PARD3: variants seen among roughly 807,000 people sequenced by gnomAD.
PARD3 encodes par-3 family cell polarity regulator, also known as partitioning defective 3 homolog.
A neutral mutation model predicts 155.4 loss-of-function variants in PARD3; 75 were observed. The observed-to-expected ratio is 0.48, with a 90% CI of 0.40 to 0.58. The LOEUF is 0.58. Among genes scored for constraint, PARD3 ranks in the 20% least tolerant of loss-of-function variants. PARD3 has a pLI of 0.00. For synonymous variants in PARD3, 576 were observed against 610.5 expected, an observed-to-expected ratio of 0.94 and a Z score of 0.83; for missense variants, 1,642 against 1,721.7, an observed-to-expected ratio of 0.95 and a Z score of 0.82.
intron 22 of PARD3, among the ~76,000 whole-genome samples, chr10:34,187,564 C>G (rs930840473): frequency 2.6e-5 from 4 of 152,168 alleles, no homozygotes; most frequent in African/African-American, 7.2e-5. Context: ...TGCTAGAAAG[C>G]CTTAGCACAA....
Position 34,324,049 on chromosome 10 carries a change from C to T in PARD3, c.2834-6711G>A, listed in dbSNP as rs115478619. On this transcript the variant is annotated intron_variant, in intron 19 of 24. Transcript: ENST00000374788. ...TATTTTAATCAAGGAGTGAGCTTAACGTACACAACGTCTGTTTGAACAACA... is the reference window on the plus strand; with the variant it reads ...TATTTTAATCAAGGAGTGAGCTTAATGTACACAACGTCTGTTTGAACAACA... Among the ~76,000 whole-genome samples the T allele has an allele frequency of 1.8e-3, 278 of 152,270 alleles. 3 individuals carry two copies. Among genetic ancestry groups the T allele is most frequent in the African/African-American group, 6.2e-3 (257 of 41,568 alleles).
chr10:34,286,977 T>G (rs1956426652), intron 20 of PARD3, among the ~76,000 whole-genome samples: 1 of 151,972 alleles, frequency 6.6e-6, no homozygotes, highest in Non-Finnish European at 1.5e-5. Context: ...ATTCCAGGGT[T>G]TTAGCCAAGC....
chr10:34,598,495 T>G (rs11009830), intron 2 of PARD3, among the ~76,000 whole-genome samples: 71,197 of 152,140 alleles, frequency 0.47, 17,779 homozygotes, highest in African/African-American at 0.66. Flanking sequence ...ACACTGTAAC[T>G]TTTCAGAGCA....
intron 15 of PARD3, chr10:34,345,531 C>T: frequency 1.0e-6 from 1 of 985,312 alleles, no homozygotes; most frequent in South Asian, 4.7e-5. Flanking sequence ...ATATAGAAGA[C>T]AATCATTAAC....
At chr10:34,198,263 T>TA (rs1348952502) in intron 22 of PARD3, among the ~76,000 whole-genome samples, 1 of 151,874 alleles carries the variant, frequency 6.6e-6, no homozygotes, top group Admixed American at 6.6e-5. Flanking sequence ...AAAAAGAAGA[T>TA]AAAAATCACA....
At chr10:34,309,841 G>A (rs912209753) in intron 20 of PARD3, among the ~76,000 whole-genome samples, 1 of 138,838 alleles carries the variant, frequency 7.2e-6, no homozygotes, top group Non-Finnish European at 1.5e-5. Flanking sequence ...GGACCAGAAT[G>A]GTTTGGCTCT....
intron 4 of PARD3, among the ~76,000 whole-genome samples, chr10:34,459,881 C>A (rs12264066): frequency 6.6e-6 from 1 of 152,090 alleles, no homozygotes; most frequent in African/African-American, 2.4e-5. Context: ...TGGATGGATG[C>A]GTAGAAGAAT....
At chr10:34,548,867 G>C (rs1049478528) in intron 2 of PARD3, among the ~76,000 whole-genome samples, 1 of 152,010 alleles carries the variant, frequency 6.6e-6, no homozygotes, top group East Asian at 1.9e-4. Flanking sequence ...TTCCTGTTCA[G>C]CACTCTAAAA....
rs57442429 is a variant in PARD3 at position 34,145,221 on chromosome 10, A to ATTTTT, written c.3420-13643_3420-13639dup. Among the ~76,000 whole-genome samples the ATTTTT allele has an allele frequency of 9.4e-4, 32 of 33,968 alleles. 1 individual carries two copies. The highest frequency in any genetic ancestry group is 1.3e-3 in the Non-Finnish European group (25 of 19,928). The allele number at this position is 33,968 out of a possible 152,430, so 22.3% of individuals were successfully genotyped here. ...TATATATATATATATATATATATAT[A>ATTTTT]TTTTTTTTTTTTTTTTTTTTACAGG... On this transcript the variant is annotated intron_variant, in intron 22 of 24. Coordinates refer to ENST00000374788, the MANE Select transcript of PARD3 (RefSeq NM_001184785.2).
At chr10:34,566,857 A>C (rs910039569) in intron 2 of PARD3, among the ~76,000 whole-genome samples, 1 of 152,206 alleles carries the variant, frequency 6.6e-6, no homozygotes, top group Non-Finnish European at 1.5e-5. Flanking sequence ...TAAAGATAAG[A>C]ATATATCTTT....
At position 34,302,831 on chromosome 10, in the gene PARD3, G is replaced by C. The variant is rs546483603; in HGVS notation, c.3065+14276C>G. On this transcript the variant is annotated intron_variant, in intron 20 of 24. Coordinates refer to ENST00000374788, the MANE Select transcript of PARD3 (RefSeq NM_001184785.2). ...AGAAGGCAGATGGCTTCTAGTCTGC[G>C]CTAGGCCCATTTGTGGCAAGTTCCC... is the stretch of plus-strand genomic sequence containing the variant. Among the ~76,000 whole-genome samples, 162 of 152,146 alleles carry C rather than the reference G, an allele frequency of 1.1e-3. 1 individual carries two copies. Among genetic ancestry groups the C allele is most frequent in the African/African-American group, 3.7e-3 (154 of 41,498 alleles).
At chr10:34,423,857 A>C (rs1438963118) in intron 5 of PARD3, among the ~76,000 whole-genome samples, 1 of 152,162 alleles carries the variant, frequency 6.6e-6, no homozygotes, top group Non-Finnish European at 1.5e-5. Context: ...TTTTCAACTC[A>C]CAGAACCGTT....
intron 2 of PARD3, among the ~76,000 whole-genome samples, chr10:34,680,430 G>C (rs2093789717): frequency 6.6e-6 from 1 of 151,880 alleles, no homozygotes; most frequent in Admixed American, 6.6e-5. Context: ...TATGGTGGTG[G>C]GAGCCTGTAA....
chr10:34,268,489 T>C (rs1332853919), intron 22 of PARD3, among the ~76,000 whole-genome samples: 1 of 146,794 alleles, frequency 6.8e-6, no homozygotes, highest in Non-Finnish European at 1.5e-5. Context: ...CTATGTTTAT[T>C]GCGGCACTAT....
rs17579227 is a variant in PARD3, at chr10:34,674,776, C to T, written c.222+21542G>A. Among the ~76,000 whole-genome samples the T allele has an allele frequency of 5.7e-3, 864 of 152,170 alleles. 12 individuals carry two copies. Among genetic ancestry groups the T allele is most frequent in the African/African-American group, 0.02 (824 of 41,496 alleles). On this transcript the variant is annotated intron_variant, in intron 2 of 24. Coordinates refer to ENST00000374788, the MANE Select transcript of PARD3 (RefSeq NM_001184785.2). The stretch of plus-strand genomic sequence containing the variant: ...TGCTGGGATTACAGGCGTGAGCCAC[C>T]GTGCCCAGCCCTCACTCTTGAATTC...
chr10:34,528,486 C>T (rs1359911444), intron 2 of PARD3, among the ~76,000 whole-genome samples: 1 of 152,194 alleles, frequency 6.6e-6, no homozygotes, highest in African/African-American at 2.4e-5. Flanking sequence ...AGCTGCGTGG[C>T]CCTAGGTAAC....
At chr10:34,118,238 T>C (rs1299680411) in intron 24 of PARD3, among the ~76,000 whole-genome samples, 3 of 152,196 alleles carry the variant, frequency 2.0e-5, no homozygotes, top group African/African-American at 4.8e-5. Flanking sequence ...ACTGCTACAA[T>C]AGATGGCACT....
intron 3 of PARD3, among the ~76,000 whole-genome samples, chr10:34,493,710 CG>C (rs2080073357): frequency 6.8e-6 from 1 of 147,966 alleles, no homozygotes; most frequent in Admixed American, 6.8e-5. Flanking sequence ...CTAACCTGGG[CG>C]ACAAAAGCGA....
At chr10:34,535,048 C>A (rs1026235418) in intron 2 of PARD3, among the ~76,000 whole-genome samples, 3 of 152,088 alleles carry the variant, frequency 2.0e-5, no homozygotes, top group Non-Finnish European at 4.4e-5. Flanking sequence ...ATTTTGCAGA[C>A]AAATTGTAGT....
Sources: allele counts gnomAD v4.1 joint callset (sites outside exome capture counted in the v4.1 genomes callset), GRCh38; gene constraint gnomAD v4.1.1; transcripts MANE v1.5; gene names NCBI Gene and HGNC (gene_info 2026-07-23, HGNC 2026-07-21).